Variants in DUOXA1 observed in about 807,000 individuals in gnomAD.
DUOXA1 encodes dual oxidase maturation factor 1, also known as dual oxidase activator 1.
A neutral mutation model predicts 26.6 loss-of-function variants in DUOXA1; 19 were observed. That is an observed-to-expected ratio of 0.71 (90% CI 0.50 to 1.05). The LOEUF is 1.05. DUOXA1 is among the 50% of genes least tolerant of loss of function. The pLI, the probability that DUOXA1 is intolerant of heterozygous loss-of-function variation, is 0.00. For synonymous variants in DUOXA1, 166 were observed against 177.0 expected, an observed-to-expected ratio of 0.94 and a Z score of 0.49; for missense variants, 403 against 427.5, an observed-to-expected ratio of 0.94 and a Z score of 0.51.
Position 45,121,237 on chromosome 15 carries a change from T to C in DUOXA1, c.206-16A>G. 1 of 1,614,112 alleles carries C rather than the reference T, an allele frequency of 6.2e-7. No individual in the cohort carries two copies. The highest frequency in any genetic ancestry group is 8.5e-7 in the Non-Finnish European group (1 of 1,179,988). ...AAATTCACAGCTGTGGTTGGGGAGT[T>C]GGACATATGGGAACTCAGAGATGAC... On this transcript the variant is annotated splice_polypyrimidine_tract_variant and intron_variant, in intron 5 of 8. Transcript: ENST00000560572.
chr15:45,127,528 T>C (rs1168064859), intron 3 of DUOXA1, among the ~76,000 whole-genome samples: 1 of 152,244 alleles, frequency 6.6e-6, no homozygotes, highest in Non-Finnish European at 1.5e-5. Context: ...TTCCATTTCA[T>C]AACTTAGGTC....
Position 45,119,027 on chromosome 15 carries a change from C to G in DUOXA1, c.*79G>C. On this transcript the variant is annotated 3_prime_UTR_variant, in exon 9 of 9. Coordinates refer to ENST00000560572, the MANE Select transcript of DUOXA1 (RefSeq NM_001276266.2). ...TGTCTGGTAACAGCCACCCTGAGGG[C>G]AGTTCTGCTGGTTTTATGGGGCGCC... is the stretch of plus-strand genomic sequence containing the variant. 1 of 1,507,080 alleles carries G rather than the reference C, an allele frequency of 6.6e-7. No individual in the cohort carries two copies. 93.4% of individuals were successfully genotyped at this position (1,507,080 alleles called of 1,614,324 possible). A position where few individuals can be genotyped will look rare whatever the true frequency, so the allele number is the denominator to read the frequency against.
At position 45,120,193 on chromosome 15, in the gene DUOXA1, T is replaced by C; in HGVS notation, c.682A>G (p.Thr228Ala). The C allele has an allele frequency of 6.2e-7, 1 of 1,614,048 alleles. No individual in the cohort carries two copies. Among genetic ancestry groups the C allele is most frequent in the Non-Finnish European group, 8.5e-7 (1 of 1,179,986 alleles). ...LLALLFFSMA[T>A]SLTSPCPLHL... ...AGGGGACAGGGTGAGGTGAGTGATGTGGCCATGGAGAAGAAGAGCAGAGCC... is the reference window on the plus strand; with the variant it reads ...AGGGGACAGGGTGAGGTGAGTGATGCGGCCATGGAGAAGAAGAGCAGAGCC... Residue 228 changes from threonine to alanine, a missense_variant, in exon 8 of 9, where the codon ACA (threonine) becomes GCA (alanine). Thr to Ala is a moderately conservative substitution (Grantham distance 58). Transcript: ENST00000560572.
intron 6 of DUOXA1, 40 bp from the exon 7 acceptor site, chr15:45,120,845 G>T: frequency 6.2e-7 from 1 of 1,603,714 alleles, no homozygotes; most frequent in Non-Finnish European, 8.5e-7. Flanking sequence ...GAACCCAAGG[G>T]CCAGAGTGGG....
intron 5 of DUOXA1, 124 bp downstream of exon 5, chr15:45,122,059 AGG>A (rs1217261991): frequency 2.1e-5 from 20 of 960,872 alleles, no homozygotes; most frequent in Non-Finnish European, 3.1e-5. Flanking sequence ...GCATATGGGC[AGG>A]GTCTGGAAGC....
Position 45,119,170 on chromosome 15 carries a change from T to G in DUOXA1, c.968A>C (p.Glu323Ala). Residue 323 changes from glutamate to alanine, a missense_variant, in exon 9 of 9, where the codon GAG (glutamate) becomes GCG (alanine). Physicochemically the swap from Glu to Ala is moderately radical, Grantham distance 107. Coordinates refer to ENST00000560572, the MANE Select transcript of DUOXA1 (RefSeq NM_001276266.2). ...SPKSQDIPLS[E>A]ASSTKAYCKE... ...ACAGTATGCCTTGGTGGAGGAAGCC[T>G]CTGACAGGGGAATGTCCTGGGACTT... 1 of 1,611,708 alleles carries G rather than the reference T, an allele frequency of 6.2e-7. No homozygotes were observed. Among genetic ancestry groups the G allele is most frequent in the South Asian group, 1.1e-5 (1 of 91,046 alleles).
At chr15:45,122,103 A>G (rs1823480855) in intron 5 of DUOXA1, 82 bp downstream of exon 5, 1 of 1,478,842 alleles carries the variant, frequency 6.8e-7, no homozygotes, top group Non-Finnish European at 9.2e-7. Flanking sequence ...CGCTGTGGGG[A>G]AACAAGGAGA....
chr15:45,121,272 C>T, intron 5 of DUOXA1, 51 bp from the exon 6 acceptor site: 1 of 1,613,166 alleles, frequency 6.2e-7, no homozygotes, highest in South Asian at 1.1e-5. Context: ...CTGGGCATTA[C>T]TAGGTTAGAG....
intron 5 of DUOXA1, among the ~76,000 whole-genome samples, chr15:45,121,981 C>T (rs1895250533): frequency 6.6e-6 from 1 of 152,202 alleles, no homozygotes; most frequent in African/African-American, 2.4e-5. Flanking sequence ...ATGCATCCAG[C>T]TTGTTTTCCA....
intron 4 of DUOXA1, 29 bp from the exon 5 acceptor site, chr15:45,122,271 A>C: frequency 6.3e-7 from 1 of 1,585,952 alleles, no homozygotes; most frequent in Non-Finnish European, 8.6e-7. Context: ...GGGTTAAGTA[A>C]AGAGTGCCTT....
rs1247220664 is a variant in DUOXA1 at position 45,117,515 on chromosome 15, T to G, written c.*1591A>C. 6.4e-7 allele frequency: 1 copy of G among 1,554,672 alleles called. No homozygotes were observed. ...GGTGTCTTGCCGTGTTTCATGTAAT[T>G]CAGATTAGAGGTGTGTGGCGGGAGG... On this transcript the variant is annotated 3_prime_UTR_variant, in exon 9 of 9. Coordinates refer to ENST00000560572, the MANE Select transcript of DUOXA1 (RefSeq NM_001276266.2).
Position 45,117,968 on chromosome 15 carries a change from C to A in DUOXA1, c.*1138G>T. 6.2e-7 allele frequency: 1 copy of A among 1,612,716 alleles called. No homozygotes were observed. Among genetic ancestry groups the A allele is most frequent in the Non-Finnish European group, 8.5e-7 (1 of 1,179,700 alleles). On this transcript the variant is annotated 3_prime_UTR_variant, in exon 9 of 9. Transcript: ENST00000560572. Reference sequence around the variant, plus strand: ...GGACATCGCAGGCCGGGAAGCAGTGCCCGCCAGGCCTGGGCCAGGAGAGCT... The same window carrying A: ...GGACATCGCAGGCCGGGAAGCAGTGACCGCCAGGCCTGGGCCAGGAGAGCT...
Position 45,117,899 on chromosome 15 carries a change from C to A in DUOXA1, c.*1207G>T. 1 of 1,613,418 alleles carries A rather than the reference C, an allele frequency of 6.2e-7. No individual in the cohort carries two copies. The highest frequency in any genetic ancestry group is 8.5e-7 in the Non-Finnish European group (1 of 1,180,046). The stretch of plus-strand genomic sequence containing the variant: ...CTCCCAGACTTAAAATGTATCACCA[C>A]TAACCTGTGAGGGGGACCCAATCTG... On this transcript the variant is annotated 3_prime_UTR_variant, in exon 9 of 9. Transcript: ENST00000560572.
rs776609963 is a variant in DUOXA1 at position 45,118,990 on chromosome 15, A to G, written c.*116T>C. ...CCTCCTTTTTCTACTCCGTCTGTAG[A>G]TTGGTGCTGGGTGTCTGGTAACAGC... is the stretch of plus-strand genomic sequence containing the variant. On this transcript the variant is annotated 3_prime_UTR_variant, in exon 9 of 9. Transcript: ENST00000560572. 1.4e-6 allele frequency: 2 copies of G among 1,463,746 alleles called. No individual in the cohort carries two copies. Among genetic ancestry groups the G allele is most frequent in the Non-Finnish European group, 1.8e-6 (2 of 1,108,500 alleles). 90.7% of individuals were successfully genotyped at this position (1,463,746 alleles called of 1,614,324 possible).
At chr15:45,128,366 A>G (rs1895854272) in intron 3 of DUOXA1, among the ~76,000 whole-genome samples, 2 of 152,178 alleles carry the variant, frequency 1.3e-5, no homozygotes, top group Admixed American at 1.3e-4. Flanking sequence ...ACTATAGAGT[A>G]AGGGCCACTA....
intron 3 of DUOXA1, among the ~76,000 whole-genome samples, chr15:45,124,549 A>G (rs759935955): frequency 1.3e-5 from 2 of 152,174 alleles, no homozygotes; most frequent in Non-Finnish European, 2.9e-5. Context: ...TTGCTCTGTC[A>G]CCCAGGCTGG....
chr15:45,119,199 A>C lies in DUOXA1; in HGVS notation c.939T>G (p.Ser313Arg), dbSNP rs1894901826. The change falls in exon 9 of 9, where the codon AGT becomes AGG. Residue 313 changes from serine (S) to arginine (R), a missense_variant. Coordinates refer to ENST00000560572, the MANE Select transcript of DUOXA1 (RefSeq NM_001276266.2). ...ACAGGGGAATGTCCTGGGACTTGGG[A>C]CTGTCAGCCATGGACCGGTAGCGGG... ...LSPRYRSMAD[S>R]PKSQDIPLSE... 2 of 1,613,814 alleles carry C rather than the reference A, an allele frequency of 1.2e-6. No homozygotes were observed. Among genetic ancestry groups the C allele is most frequent in the Admixed American group, 3.3e-5 (2 of 60,000 alleles).
At position 45,123,037 on chromosome 15, in the gene DUOXA1, G is replaced by T; in HGVS notation, c.-23C>A. On this transcript the variant is annotated 5_prime_UTR_variant, in exon 4 of 9. Transcript: ENST00000560572. ...CATCTTGGTGAGGTGGTGCAGGGGG[G>T]GCAATGCTGTACAACAACAATAGAC... 1 of 1,597,206 alleles carries T rather than the reference G, an allele frequency of 6.3e-7. No homozygotes were observed. Among genetic ancestry groups the T allele is most frequent in the Non-Finnish European group, 8.5e-7 (1 of 1,171,464 alleles).
At position 45,121,166 on chromosome 15, in the gene DUOXA1, G is replaced by C. The variant is rs756417535; in HGVS notation, c.261C>G (p.Tyr87Ter). The C allele has an allele frequency of 5.6e-6, 9 of 1,614,072 alleles. No homozygotes were observed. Among genetic ancestry groups the C allele is most frequent in the Admixed American group, 3.3e-5 (2 of 60,004 alleles). ...TGATCCACTCAGAACTGAAGGCCTTGTATGATGTGTTGGTGCTGACCTGGC... is the reference window on the plus strand; with the variant it reads ...TGATCCACTCAGAACTGAAGGCCTTCTATGATGTGTTGGTGCTGACCTGGC... ...SVGQVSTNTS[Y>*]KAFSSEWISA... Residue 87 changes from tyrosine (Y) to a stop codon, truncating the protein, a stop_gained, in exon 6 of 9, where the codon TAC (tyrosine) becomes TAG (stop). Transcript: ENST00000560572. LOFTEE classifies it high-confidence loss of function.
Sources: allele counts gnomAD v4.1 joint callset (sites outside exome capture counted in the v4.1 genomes callset), GRCh38; gene constraint gnomAD v4.1.1; transcripts MANE v1.5; gene names NCBI Gene and HGNC (gene_info 2026-07-23, HGNC 2026-07-21).